CD247: variants seen among roughly 807,000 people sequenced by gnomAD.
CD247 encodes CD247 molecule, also known as T-cell surface glycoprotein CD3 zeta chain.
A neutral mutation model predicts 30.0 loss-of-function variants in CD247; 13 were observed. The observed-to-expected ratio is 0.43, with a 90% CI of 0.28 to 0.69. The LOEUF is 0.69. CD247 is among the 30% of genes least tolerant of loss of function. The pLI is 0.16. For synonymous variants in CD247, 72 were observed against 80.0 expected (o/e 0.90, Z 0.53); for missense variants, 193 against 212.6 (o/e 0.91, Z 0.57).
intron 1 of CD247, among the ~76,000 whole-genome samples, chr1:167,465,623 A>G (rs1264358031): frequency 6.6e-6 from 1 of 151,992 alleles, no homozygotes; most frequent in Non-Finnish European, 1.5e-5. Flanking sequence ...GAGCCACCGC[A>G]CCCAGCCCCT....
intron 1 of CD247, among the ~76,000 whole-genome samples, chr1:167,470,650 C>CT (rs1653475766): frequency 1.3e-5 from 2 of 151,260 alleles, no homozygotes; most frequent in African/African-American, 4.9e-5. Context: ...TACTGCTTTC[C>CT]TTTTTTTCAA....
In CD247 at chr1:167,494,030, G is replaced by A. The variant is rs994931751; in HGVS notation, c.58+24378C>T. On this transcript the variant is annotated intron_variant, in intron 1 of 7. Coordinates refer to ENST00000362089, the MANE Select transcript of CD247 (RefSeq NM_198053.3). The surrounding 1 kb of genome is among the most constrained non-coding windows in gnomAD (Gnocchi z 7.3). ...CCCAGGACTTTCTTCTCAGGGCTCT[G>A]CTGAGTTGGGTGGGGGAGGCTGGAG... Among the ~76,000 whole-genome samples, 1 of 151,886 alleles carries A rather than the reference G, an allele frequency of 6.6e-6. No individual in the cohort carries two copies. Among genetic ancestry groups the A allele is most frequent in the Non-Finnish European group, 1.5e-5 (1 of 68,022 alleles).
chr1:167,461,516 C>T (rs998331547), intron 1 of CD247, among the ~76,000 whole-genome samples: 1 of 152,126 alleles, frequency 6.6e-6, no homozygotes, highest in Non-Finnish European at 1.5e-5. Flanking sequence ...CCTTATTTTC[C>T]AAGTTCCATA....
At chr1:167,479,037 T>G (rs923542955) in intron 1 of CD247, among the ~76,000 whole-genome samples, 2 of 152,350 alleles carry the variant, frequency 1.3e-5, no homozygotes, top group East Asian at 3.9e-4. Flanking sequence ...TGCTCTCTAT[T>G]TAAAAAGGCA....
At chr1:167,511,807 C>G (rs760726340) in intron 1 of CD247, among the ~76,000 whole-genome samples, 16 of 151,960 alleles carry the variant, frequency 1.1e-4, no homozygotes, top group South Asian at 6.3e-4. Flanking sequence ...TGTTTGAGGC[C>G]TGGTTCTACT....
chr1:167,518,347 C>G, intron 1 of CD247, 61 bp downstream of exon 1: 1 of 1,508,324 alleles, frequency 6.6e-7, no homozygotes, highest in Non-Finnish European at 9.2e-7. Context: ...CCCACACCCA[C>G]TCCCCTACAC....
chr1:167,517,119 G>C (rs945275046), intron 1 of CD247, among the ~76,000 whole-genome samples: 7 of 152,192 alleles, frequency 4.6e-5, no homozygotes, highest in Non-Finnish European at 1.0e-4. Flanking sequence ...GCAAGCTCAG[G>C]CACCCTCACT....
At chr1:167,459,143 TA>T (rs1307481097) in intron 1 of CD247, among the ~76,000 whole-genome samples, 2 of 148,722 alleles carry the variant, frequency 1.3e-5, no homozygotes, top group African/African-American at 4.9e-5. Flanking sequence ...TCAAAAATTT[TA>T]AAAAAAAAAA....
intron 1 of CD247, among the ~76,000 whole-genome samples, chr1:167,502,641 T>C (rs1449483294): frequency 2.0e-5 from 3 of 152,142 alleles, no homozygotes; most frequent in African/African-American, 7.2e-5. Flanking sequence ...TATTTGGAAA[T>C]AGGGTGCTTT....
chr1:167,450,220 G>C (rs1022133430), intron 1 of CD247, among the ~76,000 whole-genome samples: 5 of 152,180 alleles, frequency 3.3e-5, no homozygotes. Flanking sequence ...AATGGGCCAG[G>C]TGCGGTGGCT....
intron 1 of CD247, among the ~76,000 whole-genome samples, chr1:167,473,416 G>A (rs1159253729): frequency 6.6e-6 from 1 of 152,120 alleles, no homozygotes; most frequent in Admixed American, 6.6e-5. Flanking sequence ...GACCACCCAC[G>A]CCCACAGGCT....
chr1:167,490,852 T>A (rs1053572866), intron 1 of CD247, among the ~76,000 whole-genome samples: 1 of 151,966 alleles, frequency 6.6e-6, no homozygotes, highest in African/African-American at 2.4e-5. Flanking sequence ...GCAGGAGAAC[T>A]GTTTGAACAT....
chr1:167,444,088 T>C (rs762654231), intron 1 of CD247, among the ~76,000 whole-genome samples: 16 of 152,214 alleles, frequency 1.1e-4, no homozygotes, highest in Non-Finnish European at 1.9e-4. Context: ...ACAAGTCACT[T>C]CCCTCTCTGG....
chr1:167,517,561 C>T (rs1012659752), intron 1 of CD247, among the ~76,000 whole-genome samples: 3 of 152,346 alleles, frequency 2.0e-5, no homozygotes, highest in South Asian at 2.1e-4. Context: ...CTCCCACGAT[C>T]GGGAATGAGG....
At chr1:167,443,642 G>A (rs1651940991) in intron 1 of CD247, among the ~76,000 whole-genome samples, 1 of 152,174 alleles carries the variant, frequency 6.6e-6, no homozygotes, top group African/African-American at 2.4e-5. Flanking sequence ...TCTTTGTGTT[G>A]TGCAGACTCA....
chr1:167,515,450 A>C (rs1159102174), intron 1 of CD247, among the ~76,000 whole-genome samples: 15 of 152,246 alleles, frequency 9.9e-5, no homozygotes, highest in Middle Eastern at 3.2e-3. Flanking sequence ...GAGGCAAAGT[A>C]AGTGGCACTG....
intron 1 of CD247, among the ~76,000 whole-genome samples, chr1:167,454,266 G>T (rs969414847): frequency 2.6e-5 from 4 of 152,152 alleles, no homozygotes; most frequent in African/African-American, 9.7e-5. Flanking sequence ...GTCATCCACG[G>T]TTACTTCTGC....
At chr1:167,500,593 T>C (rs1318379648) in intron 1 of CD247, among the ~76,000 whole-genome samples, 1 of 152,146 alleles carries the variant, frequency 6.6e-6, no homozygotes, top group East Asian at 1.9e-4. Flanking sequence ...ACCACCCCCC[T>C]ACACACACAC....
chr1:167,489,887 T>C (rs926407033), intron 1 of CD247, among the ~76,000 whole-genome samples: 4 of 152,172 alleles, frequency 2.6e-5, no homozygotes, highest in African/African-American at 9.7e-5. Flanking sequence ...AAACCCAAGA[T>C]TGAATACCAC....
Sources: gnomAD v4.1 joint callset for allele counts (sites outside exome capture counted in the v4.1 genomes callset) on GRCh38, gnomAD v4.1.1 for gene constraint, Gnocchi (gnomAD v3.1) non-coding constraint, MANE v1.5 for transcripts, NCBI Gene and HGNC (gene_info 2026-07-23, HGNC 2026-07-21) for gene names.